The following GSE1 variants were observed in gnomAD, a reference collection of about 807,000 sequenced individuals.
GSE1 encodes the protein Gse1 coiled-coil protein.
GSE1 carries 32 observed loss-of-function variants against 112.6 expected under a neutral mutation model. The observed-to-expected ratio is 0.28, with a 90% confidence interval of 0.21 to 0.38. The LOEUF (loss-of-function observed/expected upper bound fraction) is 0.38, where lower values mean the gene tolerates loss of function less well. Among genes scored for constraint, GSE1 ranks in the 10% least tolerant of loss-of-function variants. The pLI is 1.00. For missense variants in GSE1, 2,348 were observed against 1,699.2 expected, an observed-to-expected ratio of 1.38 and a Z score of -6.71; for synonymous variants, 1,115 against 735.6, an observed-to-expected ratio of 1.52 and a Z score of -8.35.
intron 1 of GSE1, among the ~76,000 whole-genome samples, chr16:85,291,341 C>T (rs2151440190): frequency 6.6e-6 from 1 of 152,340 alleles, no homozygotes; most frequent in East Asian, 1.9e-4. Flanking sequence ...GCCCGCTCTG[C>T]AGAAGGGCGC....
At chr16:85,530,220 G>A (rs1034345435) in intron 2 of GSE1, among the ~76,000 whole-genome samples, 2 of 152,138 alleles carry the variant, frequency 1.3e-5, no homozygotes, top group African/African-American at 2.4e-5. Flanking sequence ...AGCTCCTAAC[G>A]ATATTGATCA....
In GSE1 at chr16:85,373,455, C is replaced by T. The variant is rs868677399; in HGVS notation, c.2464+15812C>T. On this transcript the variant is annotated intron_variant, in intron 2 of 2. Transcript: ENST00000637419. This position sits in a 1 kb window ranked among gnomAD's most constrained non-coding sequence, Gnocchi z 5.1. ...GAGGGGAGGGGACGAGAACCTCTCCCCCTCCGCTGCTTTCCAGCTCAGCCT... is the reference window on the plus strand; with the variant it reads ...GAGGGGAGGGGACGAGAACCTCTCCTCCTCCGCTGCTTTCCAGCTCAGCCT... 2.0e-5 allele frequency among the ~76,000 whole-genome samples: 3 copies of T among 151,644 alleles called. No individual in the cohort carries two copies. Among genetic ancestry groups the T allele is most frequent in the Non-Finnish European group, 4.4e-5 (3 of 68,020 alleles).
chr16:85,180,985 G>C (rs557539172), intron 1 of GSE1, among the ~76,000 whole-genome samples: 1 of 152,188 alleles, frequency 6.6e-6, no homozygotes, highest in African/African-American at 2.4e-5. Flanking sequence ...CCATTTCAAC[G>C]TTTTAAGTCA....
chr16:85,562,358 A>T (rs1338259145), intron 1 of GSE1, among the ~76,000 whole-genome samples: 2 of 126,682 alleles, frequency 1.6e-5, no homozygotes, highest in Admixed American at 7.9e-5. Flanking sequence ...TCTGGTTCCC[A>T]CCCCCCCTGC....
intron 2 of GSE1, among the ~76,000 whole-genome samples, chr16:85,382,809 CAT>C (rs1367751659): frequency 6.6e-6 from 1 of 151,304 alleles, no homozygotes; most frequent in Non-Finnish European, 1.5e-5. Flanking sequence ...CACACACACT[CAT>C]ACACACATGC....
intron 1 of GSE1, among the ~76,000 whole-genome samples, chr16:85,243,344 C>T (rs1905309514): frequency 6.6e-6 from 1 of 152,220 alleles, no homozygotes; most frequent in Admixed American, 6.5e-5. Flanking sequence ...CTCTTTGCTT[C>T]TAAAGGGTGC....
intron 10 of GSE1, 78 bp from the exon 11 acceptor site, chr16:85,663,266 C>T (rs2052579128): frequency 3.9e-6 from 6 of 1,525,002 alleles, no homozygotes; most frequent in Non-Finnish European, 5.4e-6. Context: ...TTCGAGGACC[C>T]CAGGAGGGGA....
intron 2 of GSE1, among the ~76,000 whole-genome samples, chr16:85,388,526 GGATT>G (rs1399694836): frequency 1.4e-5 from 2 of 144,762 alleles, no homozygotes; most frequent in Non-Finnish European, 3.1e-5. Context: ...ATACATAGGT[GGATT>G]GATGGATGGG....
At chr16:85,189,890 C>G (rs952350641) in intron 1 of GSE1, among the ~76,000 whole-genome samples, 1 of 152,120 alleles carries the variant, frequency 6.6e-6, no homozygotes, top group African/African-American at 2.4e-5. Flanking sequence ...ATATTGGTGC[C>G]TACTCTTTTC....
chr16:85,263,908 C>T (rs933130618), intron 1 of GSE1, among the ~76,000 whole-genome samples: 1 of 152,154 alleles, frequency 6.6e-6, no homozygotes, highest in Non-Finnish European at 1.5e-5. Context: ...TCCAGGTCTC[C>T]TCTGCCGTCC....
chr16:85,507,907 C>G (rs927449693), intron 2 of GSE1, among the ~76,000 whole-genome samples: 1 of 152,136 alleles, frequency 6.6e-6, no homozygotes, highest in Non-Finnish European at 1.5e-5. Context: ...GCACACGCCT[C>G]GTGTGTTTCT....
intron 2 of GSE1, among the ~76,000 whole-genome samples, chr16:85,479,739 G>T (rs558343393): frequency 1.3e-5 from 2 of 152,168 alleles, no homozygotes; most frequent in East Asian, 1.9e-4. Flanking sequence ...GGCTGGGGAC[G>T]TCCCATTGCC....
intron 1 of GSE1, among the ~76,000 whole-genome samples, chr16:85,175,509 G>A (rs946735451): frequency 6.6e-6 from 1 of 152,218 alleles, no homozygotes; most frequent in Non-Finnish European, 1.5e-5. Context: ...CGAGTGAGCC[G>A]GCCTGGGTGA....
chr16:85,432,443 C>G (rs2049144467), intron 2 of GSE1, among the ~76,000 whole-genome samples: 1 of 152,254 alleles, frequency 6.6e-6, no homozygotes, highest in African/African-American at 2.4e-5. Flanking sequence ...GAAGCTCTGA[C>G]CCAGCCCACT....
At chr16:85,573,204 G>A (rs1272331105) in intron 1 of GSE1, among the ~76,000 whole-genome samples, 1 of 152,094 alleles carries the variant, frequency 6.6e-6, no homozygotes, top group Non-Finnish European at 1.5e-5. Flanking sequence ...TTGCTATGTT[G>A]TCCAGGCTGG....
chr16:85,528,146 G>A lies in GSE1; in HGVS notation c.2465-105768G>A, dbSNP rs1044843472. ...TTCTAACCTGGGTGTGTGGGCGTGAGCTGGACAGACAAGATTCTCACCCCC... is the reference window on the plus strand; with the variant it reads ...TTCTAACCTGGGTGTGTGGGCGTGAACTGGACAGACAAGATTCTCACCCCC... On this transcript the variant is annotated intron_variant, in intron 2 of 2. Transcript: ENST00000637419. Among the ~76,000 whole-genome samples the A allele has an allele frequency of 1.4e-4, 22 of 152,254 alleles. 1 individual carries two copies. Among genetic ancestry groups the A allele is most frequent in the Non-Finnish European group, 3.1e-4 (21 of 68,050 alleles).
Position 85,393,354 on chromosome 16 carries a change from G to A in GSE1, c.2464+35711G>A, listed in dbSNP as rs553297360. ...AGACAGGAGCGGCAGGGAGGCCAGG[G>A]GCCACACCCTCTCAGGGCTCCCAGC... On this transcript the variant is annotated intron_variant, in intron 2 of 2. Coordinates refer to the GSE1 transcript ENST00000637419. Among the ~76,000 whole-genome samples the A allele has an allele frequency of 3.7e-4, 57 of 152,312 alleles. 1 individual carries two copies. In the East Asian group the frequency reaches 0.01, roughly 28 times the overall value.
At chr16:85,645,869 A>G (rs534024085) in intron 2 of GSE1, among the ~76,000 whole-genome samples, 1 of 151,772 alleles carries the variant, frequency 6.6e-6, no homozygotes, top group South Asian at 2.1e-4. Context: ...TGCTTCTACC[A>G]TGCTTCCTAT....
At chr16:85,659,120 G>A (rs116237630) in intron 8 of GSE1, among the ~76,000 whole-genome samples, 1 of 152,180 alleles carries the variant, frequency 6.6e-6, no homozygotes, top group Non-Finnish European at 1.5e-5. Context: ...GCTTCTTCCT[G>A]TGGTTCCCTG....
Sources: gnomAD v4.1 joint callset for allele counts (sites outside exome capture counted in the v4.1 genomes callset) on GRCh38, gnomAD v4.1.1 for gene constraint, Gnocchi (gnomAD v3.1) non-coding constraint, MANE v1.5 for transcripts, NCBI Gene and HGNC (gene_info 2026-07-23, HGNC 2026-07-21) for gene names.